ELFN1: variants seen among roughly 807,000 people sequenced by gnomAD.
ELFN1 encodes extracellular leucine rich repeat and fibronectin type III domain containing 1.
ELFN1 carries 6 observed loss-of-function variants against 7.6 expected under a neutral mutation model. The observed-to-expected ratio is 0.79, with a 90% CI of 0.43 to 1.56. The LOEUF (loss-of-function observed/expected upper bound fraction) is 1.56, where lower values mean the gene tolerates loss of function less well. ELFN1 is among the 40% of genes most tolerant of loss of function. The pLI is 0.01. For synonymous variants in ELFN1, 657 were observed against 588.1 expected (o/e 1.12, Z -1.70); for missense variants, 1,169 against 1,232.2 (o/e 0.95, Z 0.77).
chr7:1,686,661 G>T (rs965410566), intron 1 of ELFN1, among the ~76,000 whole-genome samples: 1 of 151,998 alleles, frequency 6.6e-6, no homozygotes, highest in East Asian at 1.9e-4. Context: ...TCCAAAGATC[G>T]GGTAGTTTTC....
chr7:1,667,813 C>T (rs1396670842), upstream of ELFN1, among the ~76,000 whole-genome samples: 1 of 152,164 alleles, frequency 6.6e-6, no homozygotes, highest in Non-Finnish European at 1.5e-5. This position sits in a 1 kb window ranked among gnomAD's most constrained non-coding sequence, Gnocchi z 8.2. Flanking sequence ...GCGTGGAGCG[C>T]GGCGTTGGGC....
intron 3 of ELFN1, among the ~76,000 whole-genome samples, chr7:1,736,314 C>G (rs1385877406): frequency 6.6e-6 from 1 of 152,196 alleles, no homozygotes; most frequent in African/African-American, 2.4e-5. Context: ...CCCCCTGGAG[C>G]TGGAAACTTC....
At chr7:1,722,419 A>C (rs1476400907) in intron 3 of ELFN1, among the ~76,000 whole-genome samples, 1 of 152,010 alleles carries the variant, frequency 6.6e-6, no homozygotes, top group Admixed American at 6.6e-5. Context: ...GGTGCCTGCC[A>C]CCACGCCTGG....
chr7:1,680,982 T>C (rs1212908825), intron 1 of ELFN1, among the ~76,000 whole-genome samples: 1 of 152,158 alleles, frequency 6.6e-6, no homozygotes, highest in Non-Finnish European at 1.5e-5. Context: ...CCTCAGGTGA[T>C]CCACACCCCT....
In ELFN1 at chr7:1,687,502, C is replaced by G. The variant is rs146910013; in HGVS notation, c.-548-556C>G. On this transcript the variant is annotated intron_variant, in intron 1 of 3. Coordinates refer to ENST00000424383, the MANE Select transcript of ELFN1 (RefSeq NM_001128636.4). The stretch of plus-strand genomic sequence containing the variant: ...CCACCCCATCTCCTCCTGATCACTA[C>G]CCTTCTCTCCTCCAGGGGAATCTCA... Among the ~76,000 whole-genome samples, 1,083 of 152,176 alleles carry G rather than the reference C, an allele frequency of 7.1e-3. 18 individuals carry two copies. Among genetic ancestry groups the G allele is most frequent in the African/African-American group, 0.025 (1,039 of 41,496 alleles).
intron 3 of ELFN1, among the ~76,000 whole-genome samples, chr7:1,715,544 C>A (rs544138617): frequency 6.6e-6 from 1 of 152,206 alleles, no homozygotes; most frequent in Non-Finnish European, 1.5e-5. Flanking sequence ...GTCTCCTGCC[C>A]ACTTCTGCCT....
chr7:1,715,096 G>T (rs935677459), intron 3 of ELFN1, among the ~76,000 whole-genome samples: 6 of 152,200 alleles, frequency 3.9e-5, no homozygotes, highest in African/African-American at 1.2e-4. Flanking sequence ...TAGGAAGGTA[G>T]CAGCCAACAG....
chr7:1,719,279 G>C (rs929687437), intron 3 of ELFN1, among the ~76,000 whole-genome samples: 3 of 145,026 alleles, frequency 2.1e-5, no homozygotes, highest in Non-Finnish European at 4.5e-5. Flanking sequence ...CCACCAACAG[G>C]GCCCCGCCCA....
chr7:1,683,484 T>C (rs1779010304), intron 1 of ELFN1, among the ~76,000 whole-genome samples: 1 of 152,218 alleles, frequency 6.6e-6, no homozygotes. Flanking sequence ...TAATATTCCT[T>C]TATATTTCCA....
chr7:1,686,609 A>G (rs1394779808), intron 1 of ELFN1, among the ~76,000 whole-genome samples: 1 of 151,938 alleles, frequency 6.6e-6, no homozygotes, highest in Non-Finnish European at 1.5e-5. Flanking sequence ...AGTCAGGCCT[A>G]CACATGCTGT....
chr7:1,733,834 C>T (rs1000570057), intron 3 of ELFN1, among the ~76,000 whole-genome samples: 2 of 152,100 alleles, frequency 1.3e-5, no homozygotes, highest in African/African-American at 2.4e-5. Flanking sequence ...ACAGCCCACA[C>T]GCCTGTGCAC....
At chr7:1,691,668 G>A (rs970000125) in intron 2 of ELFN1, among the ~76,000 whole-genome samples, 4 of 152,214 alleles carry the variant, frequency 2.6e-5, no homozygotes, top group African/African-American at 9.6e-5. Flanking sequence ...GCTGGCCACC[G>A]GGTAGGTCTC....
At position 1,673,051 on chromosome 7, in the gene ELFN1, C is replaced by T. The variant is rs952164534; in HGVS notation, c.-549+2697C>T. Among the ~76,000 whole-genome samples the T allele has an allele frequency of 6.6e-5, 10 of 151,878 alleles. No individual in the cohort carries two copies. The highest frequency in any genetic ancestry group is 4.2e-4 in the South Asian group (2 of 4,806). ...AACCTGGAGCGGATGGTGGCACCGCCGCGGACATTGGATACATTTGTCATC... is the reference window on the plus strand; with the variant it reads ...AACCTGGAGCGGATGGTGGCACCGCTGCGGACATTGGATACATTTGTCATC... On this transcript the variant is annotated intron_variant, in intron 1 of 3. Transcript: ENST00000424383. The surrounding 1 kb of genome is among the most constrained non-coding windows in gnomAD (Gnocchi z 4.7).
intron 1 of ELFN1, among the ~76,000 whole-genome samples, chr7:1,686,837 G>T (rs1199191756): frequency 6.6e-6 from 1 of 152,010 alleles, no homozygotes; most frequent in African/African-American, 2.4e-5. Context: ...GGCTTATCAG[G>T]TATCTCTATG....
intron 2 of ELFN1, among the ~76,000 whole-genome samples, chr7:1,706,164 C>A (rs1779526301): frequency 6.6e-6 from 1 of 152,234 alleles, no homozygotes; most frequent in Non-Finnish European, 1.5e-5. Context: ...GTGGCTCACG[C>A]CTGTTATCCC....
intron 2 of ELFN1, chr7:1,693,445 T>A: frequency 2.1e-6 from 1 of 471,280 alleles, no homozygotes; most frequent in Non-Finnish European, 4.4e-6. Context: ...TGACATGGGC[T>A]TAGACTGCCT....
chr7:1,720,046 C>T (rs1779971966), intron 3 of ELFN1, among the ~76,000 whole-genome samples: 1 of 152,194 alleles, frequency 6.6e-6, no homozygotes, highest in African/African-American at 2.4e-5. Flanking sequence ...CCCGGCATTC[C>T]GTGTCCTGGG....
intron 3 of ELFN1, among the ~76,000 whole-genome samples, chr7:1,730,172 C>A (rs1004459529): frequency 2.6e-5 from 4 of 152,274 alleles, no homozygotes; most frequent in African/African-American, 9.6e-5. Context: ...GCACAGAAGA[C>A]AAATGAGGCG....
At chr7:1,723,901 C>CA (rs978291424) in intron 3 of ELFN1, among the ~76,000 whole-genome samples, 6 of 152,124 alleles carry the variant, frequency 3.9e-5, no homozygotes, top group Non-Finnish European at 8.8e-5. Flanking sequence ...TCTCCTCCCA[C>CA]TTTTTTTTGG....
Sources: allele counts gnomAD v4.1 joint callset (sites outside exome capture counted in the v4.1 genomes callset), GRCh38; gene constraint gnomAD v4.1.1; non-coding constraint Gnocchi (gnomAD v3.1); transcripts MANE v1.5; gene names NCBI Gene and HGNC (gene_info 2026-07-23, HGNC 2026-07-21).